Variants in ZNF277 observed in about 807,000 individuals in gnomAD.
The protein encoded by ZNF277 is zinc finger protein 277.
ZNF277 carries 55 observed loss-of-function variants against 60.7 expected under a neutral mutation model. The observed-to-expected ratio is 0.91, with a 90% confidence interval of 0.73 to 1.13. The LOEUF (loss-of-function observed/expected upper bound fraction) is 1.13. ZNF277 is among the 50% of genes most tolerant of loss of function. ZNF277 has a pLI of 0.00. For synonymous variants in ZNF277, 178 were observed against 179.3 expected, an observed-to-expected ratio of 0.99 and a Z score of 0.06; for missense variants, 510 against 523.0, an observed-to-expected ratio of 0.98 and a Z score of 0.24.
chr7:112,275,926 A>G (rs967842637), intron 1 of ZNF277, among the ~76,000 whole-genome samples: 3 of 152,228 alleles, frequency 2.0e-5, no homozygotes, highest in Non-Finnish European at 4.4e-5. Context: ...AAGAAATGCC[A>G]CACGGAAATG....
Position 112,342,895 on chromosome 7 carries a change from A to G in ZNF277, c.*166A>G, listed in dbSNP as rs1200851897. 1.6e-5 allele frequency: 8 copies of G among 485,500 alleles called. No homozygotes were observed. The highest frequency in any genetic ancestry group is 2.4e-5 in the Non-Finnish European group (7 of 295,288). The allele number at this position is 485,500 out of a possible 1,614,324, so 30.1% of individuals were successfully genotyped here. A position where few individuals can be genotyped will look rare whatever the true frequency, so the allele number is the denominator to read the frequency against. On this transcript the variant is annotated 3_prime_UTR_variant, in exon 12 of 12. Transcript: ENST00000361822. ...ATGTTCTTTTCAAAAAATAAAGTAG[A>G]AAAATGCACTTACTAAGAACATGAA...
chr7:112,328,625 CT>C (rs1793154966), intron 6 of ZNF277, among the ~76,000 whole-genome samples: 1 of 151,994 alleles, frequency 6.6e-6, no homozygotes. Flanking sequence ...AATCCCAGCA[CT>C]TTGGGAGGCC....
intron 2 of ZNF277, among the ~76,000 whole-genome samples, chr7:112,293,347 C>T (rs117397440): frequency 0.025 from 3,728 of 152,146 alleles, 67 homozygotes; most frequent in Non-Finnish European, 0.04. Flanking sequence ...GAGTCCAAGA[C>T]GGGCAGATTG....
At chr7:112,314,960 C>T (rs145197394) in intron 4 of ZNF277, among the ~76,000 whole-genome samples, 40 of 152,174 alleles carry the variant, frequency 2.6e-4, no homozygotes, top group African/African-American at 6.3e-4. Context: ...AGTGTAATTA[C>T]GTATTTGCAG....
chr7:112,237,725 A>G (rs1030622431), intron 1 of ZNF277, among the ~76,000 whole-genome samples: 1 of 152,190 alleles, frequency 6.6e-6, no homozygotes, highest in Admixed American at 6.5e-5. Context: ...TATGGTTTCC[A>G]GCTAAATTCC....
chr7:112,250,220 A>G (rs1184914828), intron 1 of ZNF277, among the ~76,000 whole-genome samples: 1 of 151,666 alleles, frequency 6.6e-6, no homozygotes. Context: ...CCAGTCTCCC[A>G]TAGCGCTCCC....
intron 1 of ZNF277, among the ~76,000 whole-genome samples, chr7:112,266,725 G>T (rs532492935): frequency 7.2e-5 from 11 of 152,212 alleles, no homozygotes; most frequent in East Asian, 3.9e-4. Flanking sequence ...AAGTTTTATT[G>T]TACTACTAAA....
intron 5 of ZNF277, among the ~76,000 whole-genome samples, chr7:112,325,623 G>A (rs766354999): frequency 6.6e-6 from 1 of 152,120 alleles, no homozygotes; most frequent in Non-Finnish European, 1.5e-5. Context: ...GCAAGCCTAG[G>A]CTCACACATG....
intron 1 of ZNF277, among the ~76,000 whole-genome samples, chr7:112,235,943 T>C (rs1488858777): frequency 6.6e-6 from 1 of 152,082 alleles, no homozygotes; most frequent in Admixed American, 6.5e-5. Flanking sequence ...TTTGAGTTAA[T>C]TTTTGTGTAG....
At chr7:112,320,593 T>C (rs1268509819) in intron 5 of ZNF277, among the ~76,000 whole-genome samples, 3 of 152,104 alleles carry the variant, frequency 2.0e-5, no homozygotes, top group Non-Finnish European at 4.4e-5. Flanking sequence ...GAGTACTTTC[T>C]TGTTACCATA....
chr7:112,248,222 G>A (rs988981850), intron 1 of ZNF277, among the ~76,000 whole-genome samples: 2 of 151,594 alleles, frequency 1.3e-5, no homozygotes, highest in African/African-American at 4.9e-5. Flanking sequence ...GTACATGCAG[G>A]TAGTCTTAGG....
At chr7:112,283,773 G>A (rs1424690304) in intron 1 of ZNF277, among the ~76,000 whole-genome samples, 2 of 152,148 alleles carry the variant, frequency 1.3e-5, no homozygotes, top group East Asian at 3.9e-4. Context: ...TAAAACCTTG[G>A]GAAAAAATAA....
intron 4 of ZNF277, among the ~76,000 whole-genome samples, chr7:112,305,404 G>T (rs899521328): frequency 6.6e-6 from 1 of 151,846 alleles, no homozygotes; most frequent in Non-Finnish European, 1.5e-5. Flanking sequence ...ATTGCCTTCT[G>T]TGGAGGATTA....
chr7:112,324,012 A>G (rs1362228788), intron 5 of ZNF277, among the ~76,000 whole-genome samples: 3 of 152,226 alleles, frequency 2.0e-5, no homozygotes, highest in Admixed American at 1.3e-4. Context: ...ACTTCATTTC[A>G]GCCCAAAAGG....
intron 4 of ZNF277, among the ~76,000 whole-genome samples, chr7:112,299,219 A>G (rs992019697): frequency 1.3e-5 from 2 of 152,206 alleles, no homozygotes; most frequent in African/African-American, 4.8e-5. Flanking sequence ...GGCGTTAGCA[A>G]TGATTATAGG....
At chr7:112,295,302 A>T (rs1275402307) in intron 2 of ZNF277, among the ~76,000 whole-genome samples, 1 of 152,186 alleles carries the variant, frequency 6.6e-6, no homozygotes, top group Non-Finnish European at 1.5e-5. Flanking sequence ...TGCTCATTAG[A>T]TACAAGAATT....
At chr7:112,264,566 C>A (rs1791504129) in intron 1 of ZNF277, among the ~76,000 whole-genome samples, 1 of 151,612 alleles carries the variant, frequency 6.6e-6, no homozygotes, top group Admixed American at 6.6e-5. Context: ...GAAGGATATT[C>A]CATGGTGTGG....
chr7:112,261,166 G>A (rs181683711), intron 1 of ZNF277, among the ~76,000 whole-genome samples: 59 of 152,226 alleles, frequency 3.9e-4, no homozygotes, highest in African/African-American at 1.3e-3. Context: ...CATTCTCTGC[G>A]TTAGATTCTT....
chr7:112,321,430 A>G (rs1333206304), intron 5 of ZNF277, among the ~76,000 whole-genome samples: 1 of 152,092 alleles, frequency 6.6e-6, no homozygotes, highest in Non-Finnish European at 1.5e-5. Context: ...ATATATTATC[A>G]GCTCATGAAC....
Sources: allele counts gnomAD v4.1 joint callset (sites outside exome capture counted in the v4.1 genomes callset), GRCh38; gene constraint gnomAD v4.1.1; transcripts MANE v1.5; gene names NCBI Gene and HGNC (gene_info 2026-07-23, HGNC 2026-07-21).